FAM241A: variants seen among roughly 807,000 people sequenced by gnomAD.
The protein encoded by FAM241A is family with sequence similarity 241 member A.
A neutral mutation model predicts 12.2 loss-of-function variants in FAM241A; 7 were observed. The ratio of observed to expected loss-of-function variants is 0.58; its 90% CI spans 0.33 to 1.08. FAM241A has a LOEUF of 1.08. Ranked by LOEUF, FAM241A falls within the 50% of genes least tolerant of loss-of-function variation. The pLI is 0.04. For synonymous variants in FAM241A, 74 were observed against 68.2 expected (o/e 1.08, Z -0.42); for missense variants, 161 against 169.7 (o/e 0.95, Z 0.29).
chr4:112,159,593 C>A (rs1032935331), intron 1 of FAM241A, among the ~76,000 whole-genome samples: 1 of 152,036 alleles, frequency 6.6e-6, no homozygotes, highest in African/African-American at 2.4e-5. Flanking sequence ...TGACCAAGTG[C>A]GATTTATCCC....
intron 1 of FAM241A, among the ~76,000 whole-genome samples, chr4:112,171,750 TC>T (rs1723725978): frequency 6.6e-6 from 1 of 152,000 alleles, no homozygotes; most frequent in Non-Finnish European, 1.5e-5. Context: ...TCCCAGCTAC[TC>T]AGGAGGCTGA....
At chr4:112,183,637 C>CAA (rs548921668) in intron 1 of FAM241A, among the ~76,000 whole-genome samples, 2 of 145,506 alleles carry the variant, frequency 1.4e-5, no homozygotes, top group African/African-American at 5.1e-5. Flanking sequence ...TCAGTAACAA[C>CAA]AAAAAAAACC....
chr4:112,166,851 A>G (rs1238886831), intron 1 of FAM241A, among the ~76,000 whole-genome samples: 1 of 151,866 alleles, frequency 6.6e-6, no homozygotes, highest in African/African-American at 2.4e-5. Flanking sequence ...GCGGTGGCTC[A>G]CGCCTGTAAT....
chr4:112,171,661 T>C (rs1244043559), intron 1 of FAM241A: 11 of 465,960 alleles, frequency 2.4e-5, no homozygotes, highest in South Asian at 8.3e-5. Flanking sequence ...AGATCGAGAC[T>C]ATCCTGGCTA....
chr4:112,177,526 C>G (rs1347848939), intron 1 of FAM241A, among the ~76,000 whole-genome samples: 1 of 152,050 alleles, frequency 6.6e-6, no homozygotes, highest in Non-Finnish European at 1.5e-5. Context: ...TTAAACTTTA[C>G]AGTTTCCTTA....
intron 1 of FAM241A, among the ~76,000 whole-genome samples, chr4:112,186,264 G>GCTTA (rs2110436315): frequency 6.6e-6 from 1 of 152,278 alleles, no homozygotes; most frequent in East Asian, 1.9e-4. Context: ...GCTGAAGTCT[G>GCTTA]CTTAGCTGAG....
intron 1 of FAM241A, among the ~76,000 whole-genome samples, chr4:112,165,246 G>A (rs1342817569): frequency 6.6e-6 from 1 of 152,138 alleles, no homozygotes; most frequent in Non-Finnish European, 1.5e-5. Flanking sequence ...CCAAAAGACA[G>A]GCAATGACAA....
chr4:112,191,766 T>G lies in FAM241A; in HGVS notation c.*4828T>G, dbSNP rs1002465817. 1 of 152,206 alleles carries G rather than the reference T, an allele frequency of 6.6e-6. No individual in the cohort carries two copies. The highest frequency in any genetic ancestry group is 6.5e-5 in the Admixed American group (1 of 15,284). The allele number at this position is 152,206 out of a possible 1,614,324, so 9.4% of individuals were successfully genotyped here. A position where few individuals can be genotyped will look rare whatever the true frequency, so the allele number is the denominator to read the frequency against. On this transcript the variant is annotated 3_prime_UTR_variant, in exon 2 of 2. Transcript: ENST00000309733. ...TGGCTTGGTTTCTCAAGTGCAACCC[T>G]GTGCTTTCCAGGTCAGCACTTCTCA... is the stretch of plus-strand genomic sequence containing the variant.
rs1724192411 is a variant in FAM241A, at chr4:112,192,744, CATT to C, written c.*5807_*5809del. The C allele has an allele frequency of 1.3e-5, 2 of 150,702 alleles. No individual in the cohort carries two copies. Among genetic ancestry groups the C allele is most frequent in the African/African-American group, 2.4e-5 (1 of 40,896 alleles). 9.3% of individuals were successfully genotyped at this position (150,702 alleles called of 1,614,324 possible). A position where few individuals can be genotyped will look rare whatever the true frequency, so the allele number is the denominator to read the frequency against. On this transcript the variant is annotated 3_prime_UTR_variant, in exon 2 of 2. Transcript: ENST00000309733. The stretch of plus-strand genomic sequence containing the variant: ...GCCACATTTTCTTAATCCAGTCTAT[CATT>C]GTTGGACATTTGGGTTGGTTCCAAG...
At chr4:112,155,200 C>T (rs542082883) in intron 1 of FAM241A, among the ~76,000 whole-genome samples, 10 of 152,252 alleles carry the variant, frequency 6.6e-5, no homozygotes, top group African/African-American at 2.2e-4. Context: ...TGTTCCAATA[C>T]GTCTGTTAGA....
At chr4:112,146,817 A>G (rs1366226884) in intron 1 of FAM241A, among the ~76,000 whole-genome samples, 1 of 152,266 alleles carries the variant, frequency 6.6e-6, no homozygotes, top group African/African-American at 2.4e-5. Flanking sequence ...CCTTAGCGTT[A>G]GGTTTGATCA....
At chr4:112,166,311 C>T (rs1175544535) in intron 1 of FAM241A, among the ~76,000 whole-genome samples, 1 of 151,916 alleles carries the variant, frequency 6.6e-6, no homozygotes, top group African/African-American at 2.4e-5. Flanking sequence ...ACCTCGTGAT[C>T]CGCCTGCCTT....
chr4:112,180,431 T>C (rs1399633389), intron 1 of FAM241A, among the ~76,000 whole-genome samples: 1 of 152,204 alleles, frequency 6.6e-6, no homozygotes, highest in Non-Finnish European at 1.5e-5. Context: ...TTTTGTGTCC[T>C]CTTTATACAG....
intron 1 of FAM241A, among the ~76,000 whole-genome samples, chr4:112,184,354 AC>A (rs1723999412): frequency 6.6e-6 from 1 of 152,108 alleles, no homozygotes; most frequent in African/African-American, 2.4e-5. Flanking sequence ...ACATGGTGAA[AC>A]CCTGTCTCTA....
intron 1 of FAM241A, among the ~76,000 whole-genome samples, chr4:112,153,698 G>C (rs1307808473): frequency 1.3e-5 from 2 of 152,120 alleles, no homozygotes; most frequent in African/African-American, 4.8e-5. Flanking sequence ...TGGCAGCTGA[G>C]TCTTATCTTG....
chr4:112,169,988 T>G (rs1307114822), intron 1 of FAM241A, among the ~76,000 whole-genome samples: 2 of 152,030 alleles, frequency 1.3e-5, no homozygotes, highest in Non-Finnish European at 2.9e-5. Context: ...TTTGGAGAGG[T>G]TAAGTGGGAT....
chr4:112,157,711 A>C (rs966972734), intron 1 of FAM241A, among the ~76,000 whole-genome samples: 2 of 152,126 alleles, frequency 1.3e-5, no homozygotes, highest in African/African-American at 4.8e-5. Context: ...TGAATCTGAG[A>C]TCACTCCCAA....
At chr4:112,178,258 A>C (rs1436244502) in intron 1 of FAM241A, among the ~76,000 whole-genome samples, 2 of 152,220 alleles carry the variant, frequency 1.3e-5, no homozygotes, top group Non-Finnish European at 2.9e-5. Context: ...TGCAGATGTG[A>C]TTAAATTTAA....
chr4:112,178,806 C>T lies in FAM241A; in HGVS notation c.154-7887C>T, dbSNP rs574512014. On this transcript the variant is annotated intron_variant, in intron 1 of 1. Coordinates refer to ENST00000309733, the MANE Select transcript of FAM241A (RefSeq NM_152400.3). ...ATCAACAAGCAAAAAACAAATAACA[C>T]GATTTTTAAAAGGACAAAGGACATA... Among the ~76,000 whole-genome samples, 15 of 152,082 alleles carry T rather than the reference C, an allele frequency of 9.9e-5. No homozygotes were observed. The South Asian group carries it at 2.9e-3, about 29-fold the overall frequency.
Sources: gnomAD v4.1 joint callset for allele counts (sites outside exome capture counted in the v4.1 genomes callset) on GRCh38, gnomAD v4.1.1 for gene constraint, MANE v1.5 for transcripts, NCBI Gene and HGNC (gene_info 2026-07-23, HGNC 2026-07-21) for gene names.